NSMCE2: variants seen among roughly 807,000 people sequenced by gnomAD.
The protein encoded by NSMCE2 is NSE2 SUMO ligase component of SMC5/6 complex.
In NSMCE2, 24 loss-of-function variants were observed where a neutral mutation model predicts 23.8. That is an observed-to-expected ratio of 1.01 (90% CI 0.73 to 1.42). The LOEUF (loss-of-function observed/expected upper bound fraction) is 1.42, where lower values mean the gene tolerates loss of function less well. Ranked by LOEUF, NSMCE2 falls within the 40% of genes most tolerant of loss-of-function variation. The probability of loss-of-function intolerance (pLI) is 0.00; values close to 1 mark genes in which losing one functional copy is unlikely to be tolerated. For missense variants in NSMCE2, 284 were observed against 296.5 expected, an observed-to-expected ratio of 0.96 and a Z score of 0.31; for synonymous variants, 92 against 94.1, an observed-to-expected ratio of 0.98 and a Z score of 0.13.
At chr8:125,256,069 G>A (rs927526925) in intron 5 of NSMCE2, among the ~76,000 whole-genome samples, 4 of 152,064 alleles carry the variant, frequency 2.6e-5, no homozygotes, top group African/African-American at 9.7e-5. Flanking sequence ...GGATCACAAG[G>A]TCAAGAGATC....
intron 4 of NSMCE2, among the ~76,000 whole-genome samples, chr8:125,154,657 A>G (rs1187800773): frequency 1.3e-5 from 2 of 152,224 alleles, no homozygotes; most frequent in African/African-American, 2.4e-5. Context: ...ACAACTCTTT[A>G]AAAACTGCAT....
intron 7 of NSMCE2, among the ~76,000 whole-genome samples, chr8:125,363,528 GA>G (rs1170844817): frequency 1.8e-5 from 2 of 113,214 alleles, no homozygotes; most frequent in Non-Finnish European, 3.5e-5. Flanking sequence ...AGGAGAGAAA[GA>G]AAGAAAGAAA....
At position 125,342,266 on chromosome 8, in the gene NSMCE2, G is replaced by T. The variant is rs950805071; in HGVS notation, c.419-14953G>T. ...CATCTGTCCCTCTTGACACCTTTGGGTGTGGGTAAGGAAAAGAGTAAATGT... is the reference window on the plus strand; with the variant it reads ...CATCTGTCCCTCTTGACACCTTTGGTTGTGGGTAAGGAAAAGAGTAAATGT... On this transcript the variant is annotated intron_variant, in intron 5 of 7. Transcript: ENST00000287437. Among the ~76,000 whole-genome samples the T allele has an allele frequency of 1.3e-5, 2 of 152,238 alleles. 1 individual carries two copies. The highest frequency in any genetic ancestry group is 4.1e-4 in the South Asian group (2 of 4,838).
At chr8:125,101,573 T>G (rs1383698653) in intron 1 of NSMCE2, among the ~76,000 whole-genome samples, 1 of 152,244 alleles carries the variant, frequency 6.6e-6, no homozygotes, top group Non-Finnish European at 1.5e-5. Context: ...CTTTTCTAGT[T>G]GGTTTCAGTG....
chr8:125,144,409 A>G (rs555863254), intron 3 of NSMCE2, among the ~76,000 whole-genome samples: 2 of 152,208 alleles, frequency 1.3e-5, no homozygotes, highest in African/African-American at 2.4e-5. Flanking sequence ...CTGCTCTCCT[A>G]TCTGCTGTTG....
chr8:125,101,791 C>T (rs978234788), intron 1 of NSMCE2, among the ~76,000 whole-genome samples: 1 of 152,190 alleles, frequency 6.6e-6, no homozygotes, highest in African/African-American at 2.4e-5. Flanking sequence ...TCTGGGATCT[C>T]ACCAAGTCTA....
chr8:125,319,092 C>T (rs956334393), intron 5 of NSMCE2, among the ~76,000 whole-genome samples: 2 of 152,084 alleles, frequency 1.3e-5, no homozygotes, highest in Admixed American at 1.3e-4. Context: ...TCTCAACAAC[C>T]AGAAAGGAAA....
intron 5 of NSMCE2, among the ~76,000 whole-genome samples, chr8:125,241,286 G>A (rs970496463): frequency 1.3e-5 from 2 of 152,204 alleles, no homozygotes; most frequent in South Asian, 2.1e-4. Flanking sequence ...AATGTGCAGG[G>A]CACTGAAATA....
chr8:125,364,937 G>A (rs1018055411), intron 7 of NSMCE2, among the ~76,000 whole-genome samples: 1 of 152,112 alleles, frequency 6.6e-6, no homozygotes, highest in African/African-American at 2.4e-5. Flanking sequence ...CCAAACATTG[G>A]GCCTCTAATC....
intron 4 of NSMCE2, among the ~76,000 whole-genome samples, chr8:125,168,669 C>G (rs192922965): frequency 2.9e-4 from 44 of 152,332 alleles, no homozygotes; most frequent in African/African-American, 1.0e-3. Flanking sequence ...GCTTTGCCCT[C>G]GTGCTCTAAT....
In NSMCE2 at chr8:125,252,457, C is replaced by T. The variant is rs187065557; in HGVS notation, c.418+70201C>T. Among the ~76,000 whole-genome samples, 18 of 152,166 alleles carry T rather than the reference C, an allele frequency of 1.2e-4. No homozygotes were observed. The East Asian group carries it at 1.5e-3, about 13-fold the overall frequency. ...AGGAGAATGGCGTGAACCCAGGAGG[C>T]GGAGCTCGCAGTGAGCTGAGATCCC... On this transcript the variant is annotated intron_variant, in intron 5 of 7. Coordinates refer to ENST00000287437, the MANE Select transcript of NSMCE2 (RefSeq NM_173685.4).
chr8:125,253,242 T>C (rs1826267150), intron 5 of NSMCE2, among the ~76,000 whole-genome samples: 1 of 152,222 alleles, frequency 6.6e-6, no homozygotes, highest in Admixed American at 6.5e-5. Context: ...GATATTAAAC[T>C]GTGGTATTTG....
At chr8:125,174,172 A>G (rs1056589584) in intron 4 of NSMCE2, among the ~76,000 whole-genome samples, 12 of 152,094 alleles carry the variant, frequency 7.9e-5, no homozygotes, top group Non-Finnish European at 1.8e-4. Context: ...ATAGTTTGCA[A>G]TAATCTGCTT....
At chr8:125,189,307 A>T (rs1823243381) in intron 5 of NSMCE2, among the ~76,000 whole-genome samples, 6 of 152,234 alleles carry the variant, frequency 3.9e-5, no homozygotes, top group Admixed American at 2.6e-4. Flanking sequence ...TCTGTCCTGC[A>T]TCCATTGGCT....
At chr8:125,204,365 A>G (rs946529565) in intron 5 of NSMCE2, among the ~76,000 whole-genome samples, 1 of 152,170 alleles carries the variant, frequency 6.6e-6, no homozygotes, top group Non-Finnish European at 1.5e-5. Context: ...GTCCTTCCTT[A>G]TAGAAGGTAC....
intron 2 of NSMCE2, 49 bp downstream of exon 2, chr8:125,102,195 G>C: frequency 1.4e-6 from 1 of 698,240 alleles, no homozygotes; most frequent in Non-Finnish European, 2.5e-6. Flanking sequence ...ATACAGAATA[G>C]TGTGGCATTT....
At position 125,116,253 on chromosome 8, in the gene NSMCE2, C is replaced by T. The variant is rs182499014; in HGVS notation, c.157+13766C>T. Among the ~76,000 whole-genome samples, 22 of 152,316 alleles carry T rather than the reference C, an allele frequency of 1.4e-4. No homozygotes were observed. In the East Asian group the frequency reaches 4.2e-3, roughly 29 times the overall value. On this transcript the variant is annotated intron_variant, in intron 3 of 7. Transcript: ENST00000287437. ...AAAGTTAATTTTTGGACCAAGGTCA[C>T]AGCTAACAAATGGCAGAACATTTGA...
intron 5 of NSMCE2, among the ~76,000 whole-genome samples, chr8:125,242,774 A>T (rs1825809757): frequency 6.6e-6 from 1 of 152,228 alleles, no homozygotes; most frequent in Non-Finnish European, 1.5e-5. Context: ...TCCCCCACTC[A>T]CAGCACAAAC....
At chr8:125,212,225 G>A (rs528165825) in intron 5 of NSMCE2, among the ~76,000 whole-genome samples, 13 of 152,180 alleles carry the variant, frequency 8.5e-5, no homozygotes, top group South Asian at 4.2e-4. Context: ...TTAGCAAGGC[G>A]AACACATATT....
Sources: allele counts gnomAD v4.1 joint callset (sites outside exome capture counted in the v4.1 genomes callset), GRCh38; gene constraint gnomAD v4.1.1; transcripts MANE v1.5; gene names NCBI Gene and HGNC (gene_info 2026-07-23, HGNC 2026-07-21).